ST3GAL1: variants seen among roughly 807,000 people sequenced by gnomAD.
The protein encoded by ST3GAL1 is ST3 beta-galactoside alpha-2,3-sialyltransferase 1, also known as CMP-N-acetylneuraminate-beta-galactosamide-alpha-2,3-sialyltransferase 1.
Under a neutral mutation model 34.1 loss-of-function variants are expected in ST3GAL1, and 16 were observed. That is an observed-to-expected ratio of 0.47 (90% confidence interval 0.32 to 0.71). The LOEUF (loss-of-function observed/expected upper bound fraction) is 0.71, where lower values mean the gene tolerates loss of function less well. Ranked by LOEUF, ST3GAL1 falls within the 30% of genes least tolerant of loss-of-function variation. The pLI, the probability that ST3GAL1 is intolerant of heterozygous loss-of-function variation, is 0.04. For missense variants in ST3GAL1, 353 were observed against 447.4 expected (o/e 0.79, Z 1.90); for synonymous variants, 191 against 184.7 (o/e 1.03, Z -0.28).
intron 3 of ST3GAL1, among the ~76,000 whole-genome samples, chr8:133,491,757 GCGACAGCAGGCATTT>G (rs1051143191): frequency 5.3e-5 from 8 of 152,138 alleles, no homozygotes; most frequent in Non-Finnish European, 1.2e-4. Flanking sequence ...GGAGCGTCAG[GCGACAGCAGGCATTT>G]CGCATGAACC....
At chr8:133,513,495 G>A (rs928204554) in intron 2 of ST3GAL1, among the ~76,000 whole-genome samples, 1 of 152,228 alleles carries the variant, frequency 6.6e-6, no homozygotes, top group African/African-American at 2.4e-5. Flanking sequence ...GTGAACGTCT[G>A]TGTACACAGT....
In ST3GAL1 at chr8:133,533,317, G is replaced by A. The variant is rs117706668; in HGVS notation, c.-429+12457C>T. ...ATCCTTGTCTGTGCTATTTTTCCCC[G>A]TGAATTACCAACACCCTAATTTTTC... On this transcript the variant is annotated intron_variant, in intron 2 of 9. Transcript: ENST00000522652. Among the ~76,000 whole-genome samples, 87 of 152,236 alleles carry A rather than the reference G, an allele frequency of 5.7e-4. 1 individual carries two copies. The East Asian group carries it at 0.014, about 24-fold the overall frequency.
intron 2 of ST3GAL1, among the ~76,000 whole-genome samples, chr8:133,522,152 C>T (rs1817830619): frequency 6.6e-6 from 1 of 152,094 alleles, no homozygotes; most frequent in Non-Finnish European, 1.5e-5. Context: ...GGGAAGCCAT[C>T]TAAGATTTAA....
chr8:133,462,356 T>C (rs1048028458), intron 8 of ST3GAL1, among the ~76,000 whole-genome samples: 1 of 152,124 alleles, frequency 6.6e-6, no homozygotes, highest in African/African-American at 2.4e-5. Flanking sequence ...GACTGGACAC[T>C]GTCAGTGAGT....
chr8:133,536,152 C>T (rs1477106141), intron 2 of ST3GAL1, among the ~76,000 whole-genome samples: 8 of 152,058 alleles, frequency 5.3e-5, no homozygotes, highest in Admixed American at 5.2e-4. Context: ...TCAGGGTTCA[C>T]ACTGTGAAGA....
At chr8:133,464,413 A>G (rs1283149036) in intron 7 of ST3GAL1, among the ~76,000 whole-genome samples, 1 of 152,160 alleles carries the variant, frequency 6.6e-6, no homozygotes, top group Non-Finnish European at 1.5e-5. Context: ...CCACGCTCAC[A>G]TAAGTTTGAA....
At chr8:133,542,774 C>A in intron 2 of ST3GAL1, among the ~76,000 whole-genome samples, 1 of 110,500 alleles carries the variant, frequency 9.0e-6, no homozygotes, top group Non-Finnish European at 1.8e-5. Flanking sequence ...GTAACTCCTC[C>A]ATCTCAAAAA....
chr8:133,466,194 T>G lies in ST3GAL1; in HGVS notation c.307-104A>C. On this transcript the variant is annotated intron_variant, in intron 5 of 9. Coordinates refer to ENST00000522652, the MANE Select transcript of ST3GAL1 (RefSeq NM_173344.3). The surrounding 1 kb of genome is among the most constrained non-coding windows in gnomAD (Gnocchi z 4.4). The stretch of plus-strand genomic sequence containing the variant: ...CTGTCGTTTACTGGGGCCCTCCTGT[T>G]CACCCTTCTCTCTGCTGGGCCCCCG... 8 of 1,192,066 alleles carry G rather than the reference T, an allele frequency of 6.7e-6. 1 individual carries two copies. The South Asian group carries it at 1.2e-4, about 18-fold the overall frequency. The allele number at this position is 1,192,066 out of a possible 1,614,324, so 73.8% of individuals were successfully genotyped here.
chr8:133,560,309 T>A (rs1400685775), intron 1 of ST3GAL1, among the ~76,000 whole-genome samples: 1 of 152,066 alleles, frequency 6.6e-6, no homozygotes, highest in Non-Finnish European at 1.5e-5. Context: ...GCATGACAAC[T>A]TATAACAGAA....
chr8:133,560,546 C>T (rs1005174175), intron 1 of ST3GAL1, among the ~76,000 whole-genome samples: 23 of 152,172 alleles, frequency 1.5e-4, no homozygotes, highest in Admixed American at 7.9e-4. Flanking sequence ...GGAACTCCTG[C>T]CCAAAAGGAT....
At chr8:133,499,866 C>T (rs375328345) in intron 2 of ST3GAL1, among the ~76,000 whole-genome samples, 25 of 152,274 alleles carry the variant, frequency 1.6e-4, no homozygotes, top group East Asian at 3.9e-4. Flanking sequence ...CCCAGGGAAG[C>T]GTGTGCACTC....
chr8:133,530,344 C>A (rs747405468), intron 2 of ST3GAL1, among the ~76,000 whole-genome samples: 1 of 151,358 alleles, frequency 6.6e-6, no homozygotes, highest in Non-Finnish European at 1.5e-5. Context: ...TGCAATGACA[C>A]CATCTCGGCT....
At chr8:133,496,826 A>C (rs1485960539) in intron 3 of ST3GAL1, among the ~76,000 whole-genome samples, 3 of 152,192 alleles carry the variant, frequency 2.0e-5, no homozygotes. Context: ...CCCAAGGGGG[A>C]TGGGGCTGTT....
intron 1 of ST3GAL1, among the ~76,000 whole-genome samples, chr8:133,567,663 C>T (rs1361399537): frequency 2.0e-5 from 3 of 152,122 alleles, no homozygotes; most frequent in South Asian, 2.1e-4. Flanking sequence ...CAAAATCTAG[C>T]GTTGAGAACT....
intron 2 of ST3GAL1, among the ~76,000 whole-genome samples, chr8:133,522,748 C>T (rs942398841): frequency 2.6e-5 from 4 of 152,210 alleles, no homozygotes; most frequent in African/African-American, 7.2e-5. Flanking sequence ...GTGTTAAGCA[C>T]GTGACACTCC....
At chr8:133,531,814 G>GAA (rs55909710) in intron 2 of ST3GAL1, among the ~76,000 whole-genome samples, 1,588 of 99,744 alleles carry the variant, frequency 0.016, 56 homozygotes, top group East Asian at 0.14. Flanking sequence ...CTTAAAAACA[G>GAA]AAAAAAAAAA....
Position 133,571,238 on chromosome 8 carries a change from G to A in ST3GAL1, c.-582+455C>T, listed in dbSNP as rs1038847058. On this transcript the variant is annotated intron_variant, in intron 1 of 9. Transcript: ENST00000522652. The surrounding 1 kb of genome is among the most constrained non-coding windows in gnomAD (Gnocchi z 6.7). ...CCCAAATCCGCTCGAGAGCGCCTGA[G>A]CCCGGCCACCCAGCGAGGTCTCCTC... Among the ~76,000 whole-genome samples, 14 of 152,192 alleles carry A rather than the reference G, an allele frequency of 9.2e-5. No individual in the cohort carries two copies. Among genetic ancestry groups the A allele is most frequent in the African/African-American group, 2.9e-4 (12 of 41,448 alleles).
intron 2 of ST3GAL1, among the ~76,000 whole-genome samples, chr8:133,501,215 G>C (rs531073452): frequency 6.6e-6 from 1 of 152,176 alleles, no homozygotes; most frequent in African/African-American, 2.4e-5. Flanking sequence ...TTCACCCCAA[G>C]CCTAGGTCGT....
chr8:133,494,213 C>CAGG (rs1431369709), intron 3 of ST3GAL1, among the ~76,000 whole-genome samples: 1 of 152,162 alleles, frequency 6.6e-6, no homozygotes, highest in East Asian at 1.9e-4. Flanking sequence ...AATGTTCTCC[C>CAGG]TATTTTGCAG....
Sources: allele counts gnomAD v4.1 joint callset (sites outside exome capture counted in the v4.1 genomes callset), GRCh38; gene constraint gnomAD v4.1.1; non-coding constraint Gnocchi (gnomAD v3.1); transcripts MANE v1.5; gene names NCBI Gene and HGNC (gene_info 2026-07-23, HGNC 2026-07-21).